Variants in MAGI2 observed in about 807,000 individuals in gnomAD.
MAGI2 encodes the protein membrane associated guanylate kinase, WW and PDZ domain containing 2, also known as membrane-associated guanylate kinase, WW and PDZ domain-containing protein 2.
MAGI2 carries 35 observed loss-of-function variants against 133.3 expected under a neutral mutation model. That is an observed-to-expected ratio of 0.26 (90% CI 0.20 to 0.35). The LOEUF is 0.35. Among genes scored for constraint, MAGI2 ranks in the 10% least tolerant of loss-of-function variants. The pLI is 1.00. For synonymous variants in MAGI2, 729 were observed against 710.6 expected, an observed-to-expected ratio of 1.03 and a Z score of -0.41; for missense variants, 1,636 against 1,863.4, an observed-to-expected ratio of 0.88 and a Z score of 2.25.
intron 1 of MAGI2, among the ~76,000 whole-genome samples, chr7:79,210,517 C>T (rs1829416023): frequency 6.6e-6 from 1 of 151,918 alleles, no homozygotes; most frequent in Non-Finnish European, 1.5e-5. Flanking sequence ...TCTAACATGC[C>T]CACCTAAGTG....
At chr7:78,493,973 C>T (rs1793857792) in intron 5 of MAGI2, among the ~76,000 whole-genome samples, 1 of 151,834 alleles carries the variant, frequency 6.6e-6, no homozygotes, top group Non-Finnish European at 1.5e-5. Context: ...TTTTTCTTTC[C>T]TATTCTTTTT....
chr7:78,255,185 C>T (rs1326858990), intron 10 of MAGI2: 2 of 152,482 alleles, frequency 1.3e-5, no homozygotes, highest in East Asian at 3.8e-4. Flanking sequence ...TACCCCATTC[C>T]CTTCCCCACA....
intron 1 of MAGI2, among the ~76,000 whole-genome samples, chr7:79,043,385 A>G (rs1811854163): frequency 6.6e-6 from 1 of 151,644 alleles, no homozygotes; most frequent in African/African-American, 2.4e-5. Context: ...TCTACTAAAA[A>G]TACAAAAACT....
intron 3 of MAGI2, among the ~76,000 whole-genome samples, chr7:78,539,917 G>T (rs567148565): frequency 6.6e-6 from 1 of 152,204 alleles, no homozygotes; most frequent in Non-Finnish European, 1.5e-5. Flanking sequence ...CCTCGGGTTC[G>T]CCAGGATGTT....
chr7:78,626,121 A>G (rs941096613), intron 3 of MAGI2, among the ~76,000 whole-genome samples: 1 of 152,212 alleles, frequency 6.6e-6, no homozygotes, highest in Non-Finnish European at 1.5e-5. Context: ...AGCAAAGTAT[A>G]TATCATGAAT....
chr7:79,097,288 A>AT, intron 1 of MAGI2, among the ~76,000 whole-genome samples: 1 of 152,346 alleles, frequency 6.6e-6, no homozygotes, highest in South Asian at 2.1e-4. Context: ...TGGCACATTT[A>AT]TTTCTCAGTT....
At chr7:78,709,705 G>A (rs1266241160) in intron 2 of MAGI2, among the ~76,000 whole-genome samples, 1 of 152,170 alleles carries the variant, frequency 6.6e-6, no homozygotes, top group Non-Finnish European at 1.5e-5. Flanking sequence ...GAATTTATAT[G>A]TGTTTGTGCC....
At chr7:79,037,247 T>C (rs890937491) in intron 1 of MAGI2, among the ~76,000 whole-genome samples, 1 of 152,178 alleles carries the variant, frequency 6.6e-6, no homozygotes, top group South Asian at 2.1e-4. Context: ...TCAAATAAAT[T>C]TGACAGTCAT....
At chr7:79,288,615 TTACCAACTGGTAACTATCCG>T (rs1410542400) in intron 1 of MAGI2, among the ~76,000 whole-genome samples, 1 of 152,194 alleles carries the variant, frequency 6.6e-6, no homozygotes, top group Non-Finnish European at 1.5e-5. Flanking sequence ...AAATATCATT[TTACCAACTGGTAACTATCCG>T]TAAGATTTAA....
At chr7:78,351,853 A>G (rs1791552475) in intron 7 of MAGI2, 1 of 152,178 alleles carries the variant, frequency 6.6e-6, no homozygotes, top group Non-Finnish European at 1.5e-5. Context: ...ATAACCCTAG[A>G]AGGATCTTCT....
intron 1 of MAGI2, among the ~76,000 whole-genome samples, chr7:79,298,241 T>C (rs1233588828): frequency 6.6e-6 from 1 of 152,186 alleles, no homozygotes; most frequent in African/African-American, 2.4e-5. Flanking sequence ...ATTTTTAAAA[T>C]GCAAAAATGT....
At chr7:79,387,519 G>T (rs995865348) in intron 1 of MAGI2, among the ~76,000 whole-genome samples, 23 of 151,830 alleles carry the variant, frequency 1.5e-4, no homozygotes, top group Admixed American at 9.9e-4. Flanking sequence ...AAAAAATGAG[G>T]TTTTTTTCCA....
chr7:78,209,325 G>A (rs10264610), intron 10 of MAGI2, among the ~76,000 whole-genome samples: 56 of 135,714 alleles, frequency 4.1e-4, no homozygotes, highest in Admixed American at 1.1e-3. Context: ...GCAGTGGCGC[G>A]ATCTCGGCTC....
intron 1 of MAGI2, among the ~76,000 whole-genome samples, chr7:79,106,368 G>A (rs1157937415): frequency 6.6e-6 from 1 of 151,434 alleles, no homozygotes; most frequent in Admixed American, 6.6e-5. Context: ...GTGATGGAAA[G>A]GTAACAGGAT....
chr7:78,057,979 A>G (rs61208156), intron 21 of MAGI2, among the ~76,000 whole-genome samples: 52,087 of 103,932 alleles, frequency 0.5, 12,211 homozygotes, highest in East Asian at 0.73. Context: ...ATATATGTGT[A>G]TATATATATA....
intron 2 of MAGI2, among the ~76,000 whole-genome samples, chr7:78,824,760 GA>G (rs753719710): frequency 4.6e-5 from 7 of 152,120 alleles, no homozygotes; most frequent in African/African-American, 7.2e-5. Flanking sequence ...TTGCTGAGCA[GA>G]AGCTCTTTAG....
At chr7:78,271,396 G>A (rs1794565532) in intron 9 of MAGI2, among the ~76,000 whole-genome samples, 1 of 152,164 alleles carries the variant, frequency 6.6e-6, no homozygotes, top group Non-Finnish European at 1.5e-5. Flanking sequence ...GTTCACCAGG[G>A]ATATTGGCCT....
chr7:78,336,329 T>A (rs923737531), intron 9 of MAGI2, among the ~76,000 whole-genome samples: 1 of 152,186 alleles, frequency 6.6e-6, no homozygotes, highest in African/African-American at 2.4e-5. Flanking sequence ...ACAAAGTTAA[T>A]CTTGTGCCCT....
chr7:78,019,884 G>A lies in MAGI2; in HGVS notation c.3799C>T (p.Pro1267Ser), dbSNP rs1317558953. ...TCGGAGGGTGGGGCTGGATGTGATG[G>A]AGAGAATGGAGCGAGGCCGTCGTCC... ...SLDDGLAPFS[P>S]SHPAPPSDPS... is the part of the protein sequence containing the mutation. The change falls in exon 22 of 22, where the codon CCA becomes TCA. Residue 1267 changes from proline to serine, a missense_variant. Physicochemically the swap from Pro to Ser is moderately conservative, Grantham distance 74. Coordinates refer to ENST00000354212, the MANE Select transcript of MAGI2 (RefSeq NM_012301.4). The A allele has an allele frequency of 1.2e-6, 2 of 1,612,670 alleles. No homozygotes were observed. The highest frequency in any genetic ancestry group is 2.7e-5 in the African/African-American group (2 of 74,898).
Sources: allele counts gnomAD v4.1 joint callset (sites outside exome capture counted in the v4.1 genomes callset), GRCh38; gene constraint gnomAD v4.1.1; transcripts MANE v1.5; gene names NCBI Gene and HGNC (gene_info 2026-07-23, HGNC 2026-07-21).